Variants in DLGAP2 observed in about 807,000 individuals in gnomAD.
DLGAP2 encodes DLG associated protein 2.
Under a neutral mutation model 100.3 loss-of-function variants are expected in DLGAP2, and 26 were observed. That is an observed-to-expected ratio of 0.26 (90% confidence interval 0.19 to 0.36). DLGAP2 has a LOEUF of 0.36. Ranked by LOEUF, DLGAP2 falls within the 10% of genes least tolerant of loss-of-function variation. The pLI, the probability that DLGAP2 is intolerant of heterozygous loss-of-function variation, is 1.00. For synonymous variants in DLGAP2, 886 were observed against 630.1 expected, an observed-to-expected ratio of 1.41 and a Z score of -6.08; for missense variants, 1,858 against 1,453.2, an observed-to-expected ratio of 1.28 and a Z score of -4.53.
intron 1 of DLGAP2, among the ~76,000 whole-genome samples, chr8:879,202 G>A (rs536532061): frequency 6.6e-6 from 1 of 152,318 alleles, no homozygotes; most frequent in South Asian, 2.1e-4. Flanking sequence ...TGTGATACAA[G>A]AACAAGTCCA....
intron 3 of DLGAP2, among the ~76,000 whole-genome samples, chr8:1,468,931 G>A (rs192206735): frequency 6.6e-6 from 1 of 152,120 alleles, no homozygotes; most frequent in Non-Finnish European, 1.5e-5. Flanking sequence ...TCTCTCCTTA[G>A]AAAGACATCG....
intron 3 of DLGAP2, among the ~76,000 whole-genome samples, chr8:1,273,071 G>C (rs1247605989): frequency 1.3e-5 from 2 of 152,066 alleles, no homozygotes; most frequent in African/African-American, 4.8e-5. Flanking sequence ...TCCTGGTCCG[G>C]GTCCTGAATT....
chr8:861,787 A>C (rs375652395), intron 1 of DLGAP2, among the ~76,000 whole-genome samples: 4 of 152,216 alleles, frequency 2.6e-5, no homozygotes, highest in African/African-American at 9.6e-5. Context: ...CAGGCAGGAC[A>C]CACCTAACCT....
intron 3 of DLGAP2, among the ~76,000 whole-genome samples, chr8:1,313,228 G>A (rs1201261820): frequency 1.3e-5 from 2 of 152,232 alleles, no homozygotes; most frequent in Non-Finnish European, 2.9e-5. Context: ...GAGGGGTGCA[G>A]CGTTTCTCAG....
At chr8:1,413,787 C>G (rs1454062245) in intron 3 of DLGAP2, among the ~76,000 whole-genome samples, 1 of 152,236 alleles carries the variant, frequency 6.6e-6, no homozygotes, top group African/African-American at 2.4e-5. Flanking sequence ...GCAGGTCTCA[C>G]AAAGCTCCAT....
chr8:1,416,559 C>T (rs1227148325), intron 3 of DLGAP2, among the ~76,000 whole-genome samples: 1 of 152,194 alleles, frequency 6.6e-6, no homozygotes, highest in African/African-American at 2.4e-5. Context: ...ACCAGAACCC[C>T]TCTGCCTCCA....
chr8:1,552,220 A>G (rs1376334240), intron 5 of DLGAP2, among the ~76,000 whole-genome samples: 2 of 152,212 alleles, frequency 1.3e-5, no homozygotes, highest in Middle Eastern at 3.2e-3. Context: ...ATTGGGAAGC[A>G]CTGCCCGGAG....
At chr8:1,494,894 C>A (rs6989699) in intron 3 of DLGAP2, among the ~76,000 whole-genome samples, 2,020 of 152,264 alleles carry the variant, frequency 0.013, 44 homozygotes, top group African/African-American at 0.045. Context: ...CTTAACTTCC[C>A]CAGGCGTCAA....
chr8:1,683,324 A>G (rs1799006893), intron 12 of DLGAP2, among the ~76,000 whole-genome samples: 1 of 151,512 alleles, frequency 6.6e-6, no homozygotes, highest in East Asian at 1.9e-4. Context: ...TCAAGAGTCC[A>G]CGCAGAGGCA....
At chr8:858,518 T>G (rs1797325409) in intron 1 of DLGAP2, among the ~76,000 whole-genome samples, 1 of 151,932 alleles carries the variant, frequency 6.6e-6, no homozygotes, top group Non-Finnish European at 1.5e-5. Context: ...TGTGGTGCTG[T>G]CACCGTGGGC....
intron 1 of DLGAP2, among the ~76,000 whole-genome samples, chr8:837,664 ATGTGTGTGTG>A (rs34602128): frequency 2.7e-5 from 4 of 145,982 alleles, no homozygotes; most frequent in Non-Finnish European, 6.0e-5. Flanking sequence ...GTTTGTGTGT[ATGTGTGTGTG>A]TGTGTGTGTG....
Position 1,017,750 on chromosome 8 carries a change from G to A in DLGAP2, c.73+109784G>A, listed in dbSNP as rs184107629. On this transcript the variant is annotated intron_variant, in intron 2 of 14. Coordinates refer to ENST00000637795, the MANE Select transcript of DLGAP2 (RefSeq NM_001346810.2). ...ACGGGGACTGACTGAGCCTGCAAGG[G>A]GCCTGCCGTGGGCGGGTAGACTCGT... 6.6e-5 allele frequency among the ~76,000 whole-genome samples: 10 copies of A among 152,108 alleles called. No homozygotes were observed. In the East Asian group the frequency reaches 1.5e-3, roughly 23 times the overall value.
chr8:1,573,105 G>T (rs1326131154), intron 6 of DLGAP2, among the ~76,000 whole-genome samples: 381 of 105,238 alleles, frequency 3.6e-3, no homozygotes, highest in Middle Eastern at 6.8e-3. Flanking sequence ...GGAGAGAGGG[G>T]TGAACTGTGG....
intron 2 of DLGAP2, among the ~76,000 whole-genome samples, chr8:1,067,539 G>A (rs1300155505): frequency 6.6e-6 from 1 of 152,000 alleles, no homozygotes; most frequent in Non-Finnish European, 1.5e-5. Flanking sequence ...GCCCACGCAC[G>A]CCTGGGCAAC....
At chr8:1,049,957 C>T (rs1376733399) in intron 2 of DLGAP2, among the ~76,000 whole-genome samples, 1 of 152,186 alleles carries the variant, frequency 6.6e-6, no homozygotes, top group East Asian at 1.9e-4. Context: ...CACACACATG[C>T]TGTCACACAC....
chr8:1,377,841 G>A (rs1382645042), intron 3 of DLGAP2: 2 of 152,444 alleles, frequency 1.3e-5, no homozygotes, highest in Middle Eastern at 6.8e-3. Context: ...AGGCACGGAA[G>A]TGTGCCCGAG....
At chr8:1,645,682 C>T (rs961728479) in intron 8 of DLGAP2, among the ~76,000 whole-genome samples, 2 of 152,100 alleles carry the variant, frequency 1.3e-5, no homozygotes, top group African/African-American at 4.8e-5. Context: ...CTATGTATTA[C>T]CTTAAAAGGT....
At chr8:1,509,224 G>T (rs560691467) in intron 4 of DLGAP2, among the ~76,000 whole-genome samples, 2 of 151,670 alleles carry the variant, frequency 1.3e-5, no homozygotes, top group Admixed American at 1.3e-4. Flanking sequence ...CCAGCTACTC[G>T]AGAGGCTGAG....
intron 4 of DLGAP2, among the ~76,000 whole-genome samples, chr8:1,533,360 G>C (rs1363572412): frequency 6.6e-6 from 1 of 151,866 alleles, no homozygotes; most frequent in Non-Finnish European, 1.5e-5. Flanking sequence ...AAAAAAATTA[G>C]CCGGGCGTTG....
Sources: allele counts gnomAD v4.1 joint callset (sites outside exome capture counted in the v4.1 genomes callset), GRCh38; gene constraint gnomAD v4.1.1; transcripts MANE v1.5; gene names NCBI Gene and HGNC (gene_info 2026-07-23, HGNC 2026-07-21).